Variants in DAB1 observed in about 807,000 individuals in gnomAD.
DAB1 encodes the protein disabled homolog 1.
A neutral mutation model predicts 64.6 loss-of-function variants in DAB1; 15 were observed. That is an observed-to-expected ratio of 0.23 (90% confidence interval 0.16 to 0.36). The LOEUF (loss-of-function observed/expected upper bound fraction) is 0.36, where lower values mean the gene tolerates loss of function less well. Among genes scored for constraint, DAB1 ranks in the 10% least tolerant of loss-of-function variants. DAB1 has a pLI of 1.00. For synonymous variants in DAB1, 235 were observed against 251.9 expected (o/e 0.93, Z 0.64); for missense variants, 596 against 706.7 (o/e 0.84, Z 1.78).
At chr1:57,183,497 G>C (rs1337289288) in intron 2 of DAB1, among the ~76,000 whole-genome samples, 1 of 152,180 alleles carries the variant, frequency 6.6e-6, no homozygotes, top group Non-Finnish European at 1.5e-5. Context: ...GAAACAGAGA[G>C]GGAAGGAGGT....
chr1:57,530,904 T>C (rs1644655179), intron 7 of DAB1, among the ~76,000 whole-genome samples: 1 of 152,094 alleles, frequency 6.6e-6, no homozygotes, highest in Non-Finnish European at 1.5e-5. Context: ...GGGGCCCAGG[T>C]TCAAGGCTAG....
intron 1 of DAB1, among the ~76,000 whole-genome samples, chr1:57,873,039 T>A (rs1199602789): frequency 6.6e-6 from 1 of 152,056 alleles, no homozygotes; most frequent in Non-Finnish European, 1.5e-5. Context: ...CTCTACAGTG[T>A]TCAGCCTCCA....
intron 7 of DAB1, among the ~76,000 whole-genome samples, chr1:57,496,343 G>T (rs1644230289): frequency 6.6e-6 from 1 of 152,046 alleles, no homozygotes; most frequent in Admixed American, 6.6e-5. Context: ...CTACAGGAGA[G>T]AACTTGCAAT....
In DAB1 at chr1:58,456,171, A is replaced by T. The variant is rs531595185; in HGVS notation, n.257+49889T>A. On this transcript the variant is annotated intron_variant and non_coding_transcript_variant, in intron 3 of 20. Transcript: ENST00000485760. ...TCCCTAAATTCAGGGTAACACTGTA[A>T]GGGAAGGTCAAATGAGGGAGAGCAA... Among the ~76,000 whole-genome samples, 13 of 152,366 alleles carry T rather than the reference A, an allele frequency of 8.5e-5. No homozygotes were observed. The South Asian group carries it at 1.0e-3, about 12-fold the overall frequency.
At chr1:57,471,381 A>G (rs1460286619) in intron 7 of DAB1, among the ~76,000 whole-genome samples, 7 of 152,196 alleles carry the variant, frequency 4.6e-5, no homozygotes, top group African/African-American at 1.2e-4. Context: ...TCCTTAATAT[A>G]TAAGTCAAAA....
At chr1:57,907,206 C>G (rs765173141) in intron 5 of DAB1, among the ~76,000 whole-genome samples, 2 of 152,206 alleles carry the variant, frequency 1.3e-5, no homozygotes, top group Non-Finnish European at 2.9e-5. Flanking sequence ...AAGCAGGGCT[C>G]TTGGTGCCCT....
chr1:58,518,714 C>T lies in DAB1; in HGVS notation n.107+8547G>A, dbSNP rs551055574. ...GTATATTCATTGGGAAAAGGGAGAC[C>T]AGAAGAAAAACACATGTAGGGAGAA... On this transcript the variant is annotated intron_variant and non_coding_transcript_variant, in intron 2 of 20. Coordinates refer to the DAB1 transcript ENST00000485760. Among the ~76,000 whole-genome samples the T allele has an allele frequency of 5.9e-5, 9 of 151,738 alleles. No individual in the cohort carries two copies. In the South Asian group the frequency reaches 1.9e-3, roughly 32 times the overall value.
intron 6 of DAB1, among the ~76,000 whole-genome samples, chr1:57,770,877 G>A (rs1649527405): frequency 6.6e-6 from 1 of 152,110 alleles, no homozygotes; most frequent in East Asian, 1.9e-4. Flanking sequence ...AGGACAGTAA[G>A]AAAGTCAGAG....
At chr1:57,723,151 G>A (rs531980493) in intron 6 of DAB1, among the ~76,000 whole-genome samples, 111 of 152,154 alleles carry the variant, frequency 7.3e-4, no homozygotes, top group South Asian at 1.9e-3. Flanking sequence ...TCAACTTTTT[G>A]ACTAGAAAAC....
In DAB1 at chr1:57,298,450, C is replaced by G. The variant is rs140049966; in HGVS notation, c.-136-7284G>C. On this transcript the variant is annotated intron_variant, in intron 1 of 14. Coordinates refer to ENST00000371236, the MANE Select transcript of DAB1 (RefSeq NM_001365792.1). Reference sequence around the variant, plus strand: ...AAATAACACGGTGATAGGACATATTCCTAGCTTTAAAACTTTGAAGCTCAC... The same window carrying G: ...AAATAACACGGTGATAGGACATATTGCTAGCTTTAAAACTTTGAAGCTCAC... Among the ~76,000 whole-genome samples the G allele has an allele frequency of 3.5e-3, 528 of 152,230 alleles. 2 individuals are homozygous for G. Among genetic ancestry groups the G allele is most frequent in the African/African-American group, 0.012 (505 of 41,540 alleles).
chr1:57,859,392 T>C (rs898232644), intron 1 of DAB1, among the ~76,000 whole-genome samples: 1 of 152,296 alleles, frequency 6.6e-6, no homozygotes, highest in Admixed American at 6.5e-5. Context: ...TCTTATATTG[T>C]AGATAGTCTA....
At chr1:57,815,768 C>A (rs992061916) in intron 6 of DAB1, among the ~76,000 whole-genome samples, 1 of 152,078 alleles carries the variant, frequency 6.6e-6, no homozygotes, top group African/African-American at 2.4e-5. Flanking sequence ...GCTTGACCCC[C>A]GAAACGTCTG....
intron 3 of DAB1, among the ~76,000 whole-genome samples, chr1:58,394,101 T>C (rs1249134252): frequency 6.6e-6 from 1 of 152,160 alleles, no homozygotes; most frequent in Non-Finnish European, 1.5e-5. Context: ...AATTTGAATA[T>C]ACTTTACCAA....
At chr1:58,307,331 C>A (rs1557727885) in intron 4 of DAB1, among the ~76,000 whole-genome samples, 3 of 152,142 alleles carry the variant, frequency 2.0e-5, no homozygotes. Flanking sequence ...TGAAACTTGG[C>A]CCCTGCCCTT....
chr1:57,276,446 T>G (rs1305096916), intron 2 of DAB1, among the ~76,000 whole-genome samples: 5 of 152,248 alleles, frequency 3.3e-5, no homozygotes, highest in Non-Finnish European at 7.3e-5. Flanking sequence ...AATTACCTAT[T>G]TAACATAGAA....
At chr1:57,319,269 G>C (rs551065796) in intron 1 of DAB1, among the ~76,000 whole-genome samples, 14 of 152,286 alleles carry the variant, frequency 9.2e-5, no homozygotes, top group Admixed American at 7.8e-4. Flanking sequence ...CAGAGCTCAT[G>C]GTCCAGCTCC....
rs1331257163 is a variant in DAB1 at position 58,391,046 on chromosome 1, C to T, written n.258-47643G>A. ...GGTCCCATCATACAGATGAATATAT[C>T]AGCCAGGAAAACTAAATCCACTCGA... On this transcript the variant is annotated intron_variant and non_coding_transcript_variant, in intron 3 of 20. Transcript: ENST00000485760. Among the ~76,000 whole-genome samples, 6 of 152,294 alleles carry T rather than the reference C, an allele frequency of 3.9e-5. No homozygotes were observed. In the East Asian group the frequency reaches 1.2e-3, roughly 29 times the overall value.
intron 7 of DAB1, among the ~76,000 whole-genome samples, chr1:57,586,386 C>T (rs1645380914): frequency 6.6e-6 from 1 of 152,222 alleles, no homozygotes; most frequent in African/African-American, 2.4e-5. Flanking sequence ...ATTGGTCTGT[C>T]TCCTCCACTG....
rs1677179019 is a variant in DAB1, at chr1:57,337,557, CTA to C, written c.-136-46393_-136-46392del. ...ACTCTCTGTACTCTCAGTGTCTCTC[CTA>C]TGTTTTTTTTCCTGAACACTTTATA... On this transcript the variant is annotated intron_variant, in intron 1 of 14. Transcript: ENST00000371236. Among the ~76,000 whole-genome samples, 7 of 152,158 alleles carry C rather than the reference CTA, an allele frequency of 4.6e-5. No homozygotes were observed. The South Asian group carries it at 1.5e-3, about 32-fold the overall frequency.
Sources: allele counts gnomAD v4.1 joint callset (sites outside exome capture counted in the v4.1 genomes callset), GRCh38; gene constraint gnomAD v4.1.1; transcripts MANE v1.5; gene names NCBI Gene and HGNC (gene_info 2026-07-23, HGNC 2026-07-21).